The following ADGRV1 variants were observed in gnomAD, a reference collection of about 807,000 sequenced individuals.
ADGRV1 encodes adhesion G protein-coupled receptor V1.
In ADGRV1, 359 loss-of-function variants were observed where a neutral mutation model predicts 596.2. The observed-to-expected ratio is 0.60, with a 90% CI of 0.55 to 0.66. The LOEUF (loss-of-function observed/expected upper bound fraction) is 0.66. Ranked by LOEUF, ADGRV1 falls within the 30% of genes least tolerant of loss-of-function variation. The pLI is 0.00. For missense variants in ADGRV1, 7,274 were observed against 7,575.6 expected (o/e 0.96, Z 1.48); for synonymous variants, 2,681 against 2,679.2 (o/e 1.00, Z -0.02).
At chr5:91,014,136 C>CCCCACACACACACACACA (rs757029909) in intron 85 of ADGRV1, among the ~76,000 whole-genome samples, 62 of 35,692 alleles carry the variant, frequency 1.7e-3, no homozygotes, top group East Asian at 2.7e-3. Context: ...TTCACAATTG[C>CCCCACACACACACACACA]CACACACACA....
intron 83 of ADGRV1, among the ~76,000 whole-genome samples, chr5:90,936,132 G>A (rs938483418): frequency 1.3e-5 from 2 of 152,140 alleles, no homozygotes; most frequent in African/African-American, 4.8e-5. Flanking sequence ...TCTATGTGGT[G>A]CAGAAAGACA....
At chr5:90,976,316 G>A (rs1176504942) in intron 84 of ADGRV1, among the ~76,000 whole-genome samples, 32 of 121,470 alleles carry the variant, frequency 2.6e-4, no homozygotes, top group African/African-American at 7.3e-4. Flanking sequence ...GTGTGTGTGT[G>A]TGTGTGTATA....
chr5:90,627,651 T>C lies in ADGRV1; in HGVS notation c.1113T>C (p.Ala371=), dbSNP rs768498241. 5 of 1,613,792 alleles carry C rather than the reference T, an allele frequency of 3.1e-6. No individual in the cohort carries two copies. Among genetic ancestry groups the C allele is most frequent in the Non-Finnish European group, 4.2e-6 (5 of 1,179,826 alleles). Reference sequence around the variant, plus strand: ...TAAAAGATACCTTACAGGGAGATGCTGTGCTAATAAGCCCTTCTGTTGTAC... The same window carrying C: ...TAAAAGATACCTTACAGGGAGATGCCGTGCTAATAAGCCCTTCTGTTGTAC... The part of the protein sequence containing the change: ...MLLKDTLQGD[A]VLISPSVVQV... The change falls in exon 7 of 90, where the codon GCT becomes GCC. Residue 371 remains alanine (A), a synonymous_variant. Coordinates refer to ENST00000405460, the MANE Select transcript of ADGRV1 (RefSeq NM_032119.4).
At chr5:91,159,841 A>G (rs1465049419) in intron 89 of ADGRV1, among the ~76,000 whole-genome samples, 1 of 152,176 alleles carries the variant, frequency 6.6e-6, no homozygotes, top group Admixed American at 6.5e-5. Context: ...TAGAACAAAG[A>G]CTCAGGATGA....
intron 84 of ADGRV1, among the ~76,000 whole-genome samples, chr5:90,971,369 G>A (rs947263407): frequency 3.9e-5 from 6 of 152,078 alleles, no homozygotes; most frequent in Admixed American, 6.6e-5. Context: ...GATATTCCTC[G>A]AGAAAAGCAA....
chr5:90,829,926 A>G (rs567495949), intron 77 of ADGRV1, among the ~76,000 whole-genome samples: 1 of 152,214 alleles, frequency 6.6e-6, no homozygotes, highest in East Asian at 1.9e-4. Flanking sequence ...CAGGAAACCC[A>G]CTATTTGAAA....
At chr5:90,779,865 C>G (rs1758652183) in intron 64 of ADGRV1, 1 of 152,074 alleles carries the variant, frequency 6.6e-6, no homozygotes, top group South Asian at 2.1e-4. Flanking sequence ...AATATTTTTG[C>G]CTTTGTAATG....
intron 85 of ADGRV1, among the ~76,000 whole-genome samples, chr5:91,016,488 C>A (rs138082116): frequency 6.6e-6 from 1 of 151,918 alleles, no homozygotes; most frequent in Non-Finnish European, 1.5e-5. Flanking sequence ...CAAAGAAAAC[C>A]TCTGGACTTT....
rs765103731 is a variant in ADGRV1, at chr5:90,841,018, G to C, written c.17019+33G>C. 3.6e-6 allele frequency: 5 copies of C among 1,397,230 alleles called. No individual in the cohort carries two copies. In the East Asian group the frequency reaches 1.2e-4, roughly 34 times the overall value. 86.6% of individuals were successfully genotyped at this position (1,397,230 alleles called of 1,614,324 possible). The stretch of plus-strand genomic sequence containing the variant: ...TTTGTGAATATTAGTAATTTGTTTA[G>C]TGAAATTTTGTAAATTTAAAAACCC... On this transcript the variant is annotated intron_variant, in intron 78 of 89. Transcript: ENST00000405460.
At chr5:91,078,089 C>A (rs1242843263) in intron 86 of ADGRV1, among the ~76,000 whole-genome samples, 2 of 152,090 alleles carry the variant, frequency 1.3e-5, no homozygotes, top group Admixed American at 6.6e-5. Flanking sequence ...TATTTAGAAT[C>A]TCCTGGTACT....
At position 91,102,388 on chromosome 5, in the gene ADGRV1, A is replaced by G. The variant is rs754591055; in HGVS notation, c.18432+48A>G. On this transcript the variant is annotated intron_variant, in intron 87 of 89. Transcript: ENST00000405460. ...TGACAACATACATTTATCTTAATGA[A>G]CACAAGGCATAGAATTTCAATATTA... The G allele has an allele frequency of 5.3e-6, 8 of 1,495,634 alleles. No individual in the cohort carries two copies. The South Asian group carries it at 7.9e-5, about 15-fold the overall frequency. The allele number at this position is 1,495,634 out of a possible 1,614,324, so 92.6% of individuals were successfully genotyped here. A position where few individuals can be genotyped will look rare whatever the true frequency, so the allele number is the denominator to read the frequency against.
rs370209971 is a variant in ADGRV1 at position 90,848,399 on chromosome 5, G to A, written c.17020-238G>A. 2.2e-4 allele frequency among the ~76,000 whole-genome samples: 34 copies of A among 152,126 alleles called. 1 individual carries two copies. In the East Asian group the frequency reaches 5.4e-3, roughly 24 times the overall value. On this transcript the variant is annotated intron_variant, in intron 78 of 89. Transcript: ENST00000405460. ...ATTTAGGACTTTATCTAATGATTAA[G>A]TAGAAAATATTTTGGTGATTATGCC...
At chr5:90,964,947 T>G (rs1363672638) in intron 83 of ADGRV1, among the ~76,000 whole-genome samples, 1 of 152,182 alleles carries the variant, frequency 6.6e-6, no homozygotes, top group African/African-American at 2.4e-5. Context: ...AGAATTTGAA[T>G]TTTTAAACTC....
chr5:90,672,406 C>A, intron 21 of ADGRV1, 140 bp from the exon 22 acceptor site: 1 of 530,910 alleles, frequency 1.9e-6, no homozygotes, highest in South Asian at 3.8e-5. Flanking sequence ...TGGGGGAATG[C>A]AGAGGCCTCG....
At chr5:90,631,798 A>G (rs1347959876) in intron 9 of ADGRV1, among the ~76,000 whole-genome samples, 1 of 152,200 alleles carries the variant, frequency 6.6e-6, no homozygotes, top group Non-Finnish European at 1.5e-5. Flanking sequence ...GTGAGCATTA[A>G]GTTAAAACAA....
intron 62 of ADGRV1, among the ~76,000 whole-genome samples, 177 bp downstream of exon 62, chr5:90,778,220 G>GGT (rs944769708): frequency 6.6e-6 from 1 of 150,886 alleles, no homozygotes; most frequent in Non-Finnish European, 1.5e-5. Flanking sequence ...GTGTGTGTGT[G>GGT]GTGTGTGTGT....
chr5:90,759,242 G>A (rs147579845), intron 57 of ADGRV1, among the ~76,000 whole-genome samples, 167 bp from the exon 58 acceptor site: 2 of 152,010 alleles, frequency 1.3e-5, no homozygotes, highest in Non-Finnish European at 2.9e-5. Flanking sequence ...AATATAATAC[G>A]CAAAAAGAAC....
intron 83 of ADGRV1, among the ~76,000 whole-genome samples, chr5:90,936,301 C>G (rs1384373186): frequency 6.6e-6 from 1 of 152,104 alleles, no homozygotes; most frequent in Non-Finnish European, 1.5e-5. Flanking sequence ...CTCACACACA[C>G]ACATACATGC....
chr5:90,905,124 G>C (rs1772195060), intron 83 of ADGRV1, among the ~76,000 whole-genome samples: 1 of 151,978 alleles, frequency 6.6e-6, no homozygotes, highest in Non-Finnish European at 1.5e-5. Flanking sequence ...GTACCATACT[G>C]TTTTGATTAC....
Sources: gnomAD v4.1 joint callset for allele counts (sites outside exome capture counted in the v4.1 genomes callset) on GRCh38, gnomAD v4.1.1 for gene constraint, MANE v1.5 for transcripts, NCBI Gene and HGNC (gene_info 2026-07-23, HGNC 2026-07-21) for gene names.